DOCK10: variants seen among roughly 807,000 people sequenced by gnomAD.
DOCK10 encodes dedicator of cytokinesis protein 10.
DOCK10 carries 145 observed loss-of-function variants against 280.1 expected under a neutral mutation model. That is an observed-to-expected ratio of 0.52 (90% CI 0.45 to 0.59). DOCK10 has a LOEUF of 0.59. Ranked by LOEUF, DOCK10 falls within the 20% of genes least tolerant of loss-of-function variation. DOCK10 has a pLI of 0.00. For synonymous variants in DOCK10, 915 were observed against 942.2 expected (o/e 0.97, Z 0.53); for missense variants, 2,368 against 2,651.7 (o/e 0.89, Z 2.35).
At chr2:224,985,850 AC>A (rs5839084) in intron 1 of DOCK10, among the ~76,000 whole-genome samples, 17,558 of 152,172 alleles carry the variant, frequency 0.12, 3,270 homozygotes, top group African/African-American at 0.4. Flanking sequence ...TGATATATCC[AC>A]CACTGGGATA....
chr2:224,959,781 A>G (rs773809773), intron 1 of DOCK10, among the ~76,000 whole-genome samples: 5 of 152,216 alleles, frequency 3.3e-5, no homozygotes, highest in Non-Finnish European at 5.9e-5. Context: ...GCAAAACGGA[A>G]GCCGACACTG....
intron 1 of DOCK10, among the ~76,000 whole-genome samples, chr2:225,013,322 A>G (rs1352659248): frequency 6.6e-6 from 1 of 152,194 alleles, no homozygotes; most frequent in Non-Finnish European, 1.5e-5. Flanking sequence ...TCTCCTGACT[A>G]TAAAGGTCCC....
At chr2:224,862,920 T>C (rs1402339272) in intron 13 of DOCK10, among the ~76,000 whole-genome samples, 174 bp from the exon 14 acceptor site, 1 of 152,264 alleles carries the variant, frequency 6.6e-6, no homozygotes, top group Non-Finnish European at 1.5e-5. Flanking sequence ...GTTCAAACTA[T>C]TGTATAATGT....
At chr2:224,863,619 A>AT (rs560450862) in intron 13 of DOCK10, among the ~76,000 whole-genome samples, 1,584 of 151,852 alleles carry the variant, frequency 0.01, 11 homozygotes, top group Admixed American at 0.02. Context: ...CGCCTGGCTA[A>AT]TTTTTTGTAT....
At chr2:224,855,388 A>G (rs1348343816) in intron 15 of DOCK10, among the ~76,000 whole-genome samples, 2 of 152,260 alleles carry the variant, frequency 1.3e-5, no homozygotes, top group Non-Finnish European at 2.9e-5. Flanking sequence ...AGCTAATAGT[A>G]TTTAAACTGG....
At chr2:224,814,881 C>T (rs1574867830) in intron 30 of DOCK10, among the ~76,000 whole-genome samples, 3 of 152,292 alleles carry the variant, frequency 2.0e-5, no homozygotes, top group Admixed American at 2.0e-4. Context: ...TAGCTTTCTA[C>T]TTGAGCATCT....
intron 1 of DOCK10, among the ~76,000 whole-genome samples, chr2:225,030,525 C>A (rs1690047013): frequency 6.6e-6 from 1 of 152,174 alleles, no homozygotes; most frequent in African/African-American, 2.4e-5. Context: ...CTAACAGCAT[C>A]AGTGAGAATG....
At chr2:224,928,855 C>T (rs1702174245) in intron 2 of DOCK10, among the ~76,000 whole-genome samples, 1 of 152,222 alleles carries the variant, frequency 6.6e-6, no homozygotes, top group African/African-American at 2.4e-5. Flanking sequence ...TAGGAATCCA[C>T]ACTCAGTCAT....
chr2:224,918,324 G>A, intron 2 of DOCK10, among the ~76,000 whole-genome samples: 1 of 144,756 alleles, frequency 6.9e-6, no homozygotes, highest in South Asian at 2.2e-4. Flanking sequence ...GCATATATGA[G>A]TGTGTGTGGG....
intron 42 of DOCK10, among the ~76,000 whole-genome samples, chr2:224,797,572 G>C (rs768589693): frequency 6.6e-6 from 1 of 152,036 alleles, no homozygotes; most frequent in Non-Finnish European, 1.5e-5. Flanking sequence ...ACTTGGTGCC[G>C]CAAACACAGA....
chr2:224,845,877 T>A (rs571749493), intron 19 of DOCK10, among the ~76,000 whole-genome samples: 1 of 152,220 alleles, frequency 6.6e-6, no homozygotes, highest in African/African-American at 2.4e-5. Flanking sequence ...GCACACACTA[T>A]CATGCCAAGC....
chr2:224,974,886 T>C (rs1705339672), intron 1 of DOCK10, among the ~76,000 whole-genome samples: 1 of 122,086 alleles, frequency 8.2e-6, no homozygotes, highest in Admixed American at 9.0e-5. Context: ...GTGTGTGTGA[T>C]ATGTATTTAT....
intron 21 of DOCK10, 147 bp from the exon 22 acceptor site, chr2:224,844,986 C>T: frequency 1.2e-6 from 1 of 800,672 alleles, no homozygotes; most frequent in Non-Finnish European, 2.0e-6. Context: ...ATACATTTAG[C>T]ACTATTGGTA....
chr2:224,806,484 A>T (rs1242067862), intron 33 of DOCK10, among the ~76,000 whole-genome samples: 1 of 152,232 alleles, frequency 6.6e-6, no homozygotes, highest in Non-Finnish European at 1.5e-5. Context: ...ACAGATATAC[A>T]GACTACATGG....
rs149305793 is a variant in DOCK10 at position 224,817,596 on chromosome 2, G to A, written c.3268-883C>T. ...GAACAGGAGCATTATTAAATTATAT[G>A]TTAACTATTTTACATTGAGAACATT... On this transcript the variant is annotated intron_variant, in intron 29 of 55. Transcript: ENST00000258390. 4.4e-3 allele frequency among the ~76,000 whole-genome samples: 677 copies of A among 152,258 alleles called. 3 individuals are homozygous for A. The highest frequency in any genetic ancestry group is 0.015 in the African/African-American group (631 of 41,538).
chr2:225,040,952 G>C (rs1297273934), intron 1 of DOCK10, among the ~76,000 whole-genome samples: 1 of 152,156 alleles, frequency 6.6e-6, no homozygotes, highest in Non-Finnish European at 1.5e-5. Context: ...TGAGCTAACA[G>C]TTGAACCACC....
chr2:225,010,954 C>G (rs1431484145), intron 1 of DOCK10, among the ~76,000 whole-genome samples: 1 of 152,146 alleles, frequency 6.6e-6, no homozygotes, highest in East Asian at 1.9e-4. Flanking sequence ...ATCTTCTCAG[C>G]TGATGAGTCA....
Position 224,823,665 on chromosome 2 carries a change from TATATCTTTCTA to T in DOCK10, c.3037-29_3037-19del, listed in dbSNP as rs777568575. ...CGGGGAAGCTAAGGAAAGAACGGATTATATCTTTCTAATGTGGCATGTGAAATATTAAGCCG... is the reference window on the plus strand; with the variant it reads ...CGGGGAAGCTAAGGAAAGAACGGATTATGTGGCATGTGAAATATTAAGCCG... On this transcript the variant is annotated intron_variant, in intron 27 of 55. Coordinates refer to ENST00000258390, the MANE Select transcript of DOCK10 (RefSeq NM_014689.3). 6.4e-7 allele frequency: 1 copy of T among 1,563,532 alleles called. No homozygotes were observed. Among genetic ancestry groups the T allele is most frequent in the Non-Finnish European group, 8.6e-7 (1 of 1,162,516 alleles).
rs746068880 is a variant in DOCK10, at chr2:224,864,978, A to C, written c.1367T>G (p.Leu456Trp). Residue 456 changes from leucine (L) to tryptophan (W), a missense_variant, in exon 12 of 56, where the codon TTG (leucine) becomes TGG (tryptophan). Physicochemically the swap from Leu to Trp is moderately conservative, Grantham distance 61. Transcript: ENST00000258390. ...LNHAAVRQML[L>W]GASVALENGN... is the part of the protein sequence containing the mutation. ...ATTTTCCAAAGCCACAGAAGCCCCC[A>C]AGAGCATCTGTCTGACAGCAGCATG... 6.8e-6 allele frequency: 11 copies of C among 1,614,018 alleles called. No homozygotes were observed. In the East Asian group the frequency reaches 2.0e-4, roughly 29 times the overall value.
Sources: allele counts gnomAD v4.1 joint callset (sites outside exome capture counted in the v4.1 genomes callset), GRCh38; gene constraint gnomAD v4.1.1; transcripts MANE v1.5; gene names NCBI Gene and HGNC (gene_info 2026-07-23, HGNC 2026-07-21).